The following SEMA6D variants were observed in gnomAD, a reference collection of about 807,000 sequenced individuals.
The protein encoded by SEMA6D is semaphorin 6D.
In SEMA6D, 35 loss-of-function variants were observed where a neutral mutation model predicts 106.6. The ratio of observed to expected loss-of-function variants is 0.33; its 90% confidence interval spans 0.25 to 0.44. The LOEUF is 0.44. SEMA6D is among the 20% of genes least tolerant of loss of function. SEMA6D has a pLI of 1.00. For synonymous variants in SEMA6D, 499 were observed against 487.7 expected, an observed-to-expected ratio of 1.02 and a Z score of -0.31; for missense variants, 1,185 against 1,345.9, an observed-to-expected ratio of 0.88 and a Z score of 1.87.
rs2082312744 is a variant in SEMA6D, at chr15:47,765,915, T to C, written c.1474T>C (p.Leu492=). ...AGACAAAAAGGTCATCTCATTACAG[T>C]TGGATAAAGATCACCACGCTTTATA... The part of the protein sequence containing the change: ...EEDKKVISLQ[L]DKDHHALYVA... Residue 492 remains leucine, a synonymous_variant, in exon 14 of 19, where the codon TTG becomes CTG. Transcript: ENST00000536845. 1.3e-6 allele frequency: 2 copies of C among 1,560,522 alleles called. No individual in the cohort carries two copies. The highest frequency in any genetic ancestry group is 4.5e-5 in the East Asian group (2 of 44,492).
chr15:47,472,832 A>G (rs536649535), intron 3 of SEMA6D, among the ~76,000 whole-genome samples: 53 of 152,320 alleles, frequency 3.5e-4, no homozygotes, highest in African/African-American at 1.2e-3. Context: ...AGTCTAAGGT[A>G]GGAGGTAGAA....
chr15:47,265,871 G>A (rs1034978784), intron 1 of SEMA6D, among the ~76,000 whole-genome samples: 7 of 152,082 alleles, frequency 4.6e-5, no homozygotes, highest in Non-Finnish European at 5.9e-5. Context: ...CTCAGAGAGT[G>A]CAACCTTTGT....
chr15:47,503,233 G>GA (rs550441342), intron 3 of SEMA6D, among the ~76,000 whole-genome samples: 5 of 151,672 alleles, frequency 3.3e-5, no homozygotes, highest in South Asian at 4.2e-4. Flanking sequence ...ATCTATTTAA[G>GA]AAAAAAAATA....
intron 1 of SEMA6D, among the ~76,000 whole-genome samples, chr15:47,342,075 G>A (rs16959276): frequency 0.2 from 30,240 of 151,612 alleles, 3,642 homozygotes; most frequent in African/African-American, 0.33. Flanking sequence ...CAAAAGGAAG[G>A]CCTTTAGCCT....
intron 4 of SEMA6D, among the ~76,000 whole-genome samples, chr15:47,624,262 C>G (rs574075162): frequency 6.6e-6 from 1 of 152,296 alleles, no homozygotes; most frequent in Non-Finnish European, 1.5e-5. Context: ...TGTTAGGAGC[C>G]GTACTTGCAT....
Position 47,237,039 on chromosome 15 carries a change from C to T in SEMA6D, c.-239+52621C>T, listed in dbSNP as rs1010377751. Among the ~76,000 whole-genome samples, 6 of 152,034 alleles carry T rather than the reference C, an allele frequency of 3.9e-5. 1 individual carries two copies. In the South Asian group the frequency reaches 1.0e-3, roughly 26 times the overall value. On this transcript the variant is annotated intron_variant, in intron 1 of 19. Transcript: ENST00000558014. ...GACACATACACAACAAGATTATCAC[C>T]GACTTTTAGAATTTTTGTGTTCTTG...
chr15:47,298,414 A>G (rs16959211), intron 1 of SEMA6D, among the ~76,000 whole-genome samples: 5,052 of 152,064 alleles, frequency 0.033, 210 homozygotes, highest in African/African-American at 0.098. Flanking sequence ...TACCAAAAAC[A>G]TTTAGGACAG....
At chr15:47,674,224 C>A (rs1039007164) in intron 4 of SEMA6D, among the ~76,000 whole-genome samples, 1 of 152,176 alleles carries the variant, frequency 6.6e-6, no homozygotes, top group African/African-American at 2.4e-5. Context: ...AACTGAGTGT[C>A]TATTTCAGAA....
At chr15:47,349,794 A>G (rs147884412) in intron 1 of SEMA6D, among the ~76,000 whole-genome samples, 219 of 152,314 alleles carry the variant, frequency 1.4e-3, no homozygotes, top group African/African-American at 5.1e-3. Context: ...GTGGTAGAAT[A>G]TATTCAAGAA....
At chr15:47,325,162 TTTTTTTTG>T (rs937295371) in intron 1 of SEMA6D, among the ~76,000 whole-genome samples, 4 of 151,828 alleles carry the variant, frequency 2.6e-5, no homozygotes, top group African/African-American at 4.8e-5. Context: ...GTGAAGCGTT[TTTTTTTTG>T]TTTTTTGTTT....
chr15:47,719,268 C>A (rs1380520577), intron 1 of SEMA6D, among the ~76,000 whole-genome samples: 1 of 152,098 alleles, frequency 6.6e-6, no homozygotes, highest in Non-Finnish European at 1.5e-5. Flanking sequence ...TTCCAGCATC[C>A]CGAGCCCTCA....
At chr15:47,718,669 G>A (rs1465601306) in intron 1 of SEMA6D, 1 of 152,362 alleles carries the variant, frequency 6.6e-6, no homozygotes, top group African/African-American at 2.4e-5. Context: ...TTACGGAAGC[G>A]TCTTGGACAG....
At chr15:47,417,462 T>C (rs915580720) in intron 2 of SEMA6D, among the ~76,000 whole-genome samples, 3 of 151,434 alleles carry the variant, frequency 2.0e-5, no homozygotes, top group Non-Finnish European at 4.4e-5. Flanking sequence ...AGAGAGAGAA[T>C]ATCAATGTCT....
chr15:47,315,523 G>T (rs746771052), intron 1 of SEMA6D, among the ~76,000 whole-genome samples: 16 of 152,276 alleles, frequency 1.1e-4, no homozygotes, highest in Admixed American at 2.0e-4. Context: ...CTAGAAGTTG[G>T]TCGGTGTAAG....
At chr15:47,764,485 T>C (rs540668003) in intron 11 of SEMA6D, among the ~76,000 whole-genome samples, 153 bp from the exon 12 acceptor site, 234 of 152,266 alleles carry the variant, frequency 1.5e-3, no homozygotes, top group Non-Finnish European at 2.8e-3. Flanking sequence ...GGAGAACCCA[T>C]TGAATTCAGG....
At chr15:47,622,129 G>A (rs1205276153) in intron 4 of SEMA6D, among the ~76,000 whole-genome samples, 2 of 147,614 alleles carry the variant, frequency 1.4e-5, no homozygotes, top group African/African-American at 5.0e-5. Context: ...ATAACTTACT[G>A]ACCAAAACTT....
chr15:47,367,688 GCGCGCACACACA>G (rs1416341762), intron 1 of SEMA6D, among the ~76,000 whole-genome samples: 49 of 44,252 alleles, frequency 1.1e-3, no homozygotes, highest in South Asian at 4.3e-3. Flanking sequence ...ACGCGCGCGC[GCGCGCACACACA>G]CACACACACA....
intron 4 of SEMA6D, among the ~76,000 whole-genome samples, chr15:47,618,850 T>G (rs2077051636): frequency 6.6e-6 from 1 of 152,182 alleles, no homozygotes; most frequent in African/African-American, 2.4e-5. Flanking sequence ...AGTAACTTCT[T>G]AGGGAGGTTT....
intron 3 of SEMA6D, among the ~76,000 whole-genome samples, chr15:47,497,118 T>G (rs938750141): frequency 1.3e-5 from 2 of 151,168 alleles, no homozygotes; most frequent in Non-Finnish European, 3.0e-5. Flanking sequence ...GAGGTATCAT[T>G]CTTTTGTCAT....
Sources: gnomAD v4.1 joint callset for allele counts (sites outside exome capture counted in the v4.1 genomes callset) on GRCh38, gnomAD v4.1.1 for gene constraint, MANE v1.5 for transcripts, NCBI Gene and HGNC (gene_info 2026-07-23, HGNC 2026-07-21) for gene names.